The following UGGT2 variants were observed in gnomAD, a reference collection of about 807,000 sequenced individuals.
UGGT2 encodes the protein UDP-glucose:glycoprotein glucosyltransferase 2.
Under a neutral mutation model 192.1 loss-of-function variants are expected in UGGT2, and 180 were observed. The observed-to-expected ratio is 0.94, with a 90% CI of 0.83 to 1.06. UGGT2 has a LOEUF of 1.06. Ranked by LOEUF, UGGT2 falls within the 50% of genes least tolerant of loss-of-function variation. UGGT2 has a pLI of 0.00. For synonymous variants in UGGT2, 580 were observed against 591.0 expected, an observed-to-expected ratio of 0.98 and a Z score of 0.27; for missense variants, 1,849 against 1,795.7, an observed-to-expected ratio of 1.03 and a Z score of -0.54.
chr13:95,853,618 A>G lies in UGGT2; in HGVS notation c.4209T>C (p.Ile1403=). The G allele has an allele frequency of 6.3e-7, 1 of 1,592,586 alleles. No homozygotes were observed. Among genetic ancestry groups the G allele is most frequent in the South Asian group, 1.2e-5 (1 of 86,576 alleles). ...YVVDLKKFRR[I]GAGDRLRSQY... is the part of the protein sequence containing the mutation. ...GGCTCCTGAGCCTGTCACCTGCTCCAATTCTCCTGAACTTCTTGAGATCCA... is the reference window on the plus strand; with the variant it reads ...GGCTCCTGAGCCTGTCACCTGCTCCGATTCTCCTGAACTTCTTGAGATCCA... The change falls in exon 36 of 39, where the codon ATT becomes ATC. Residue 1403 remains isoleucine (I), a synonymous_variant. Coordinates refer to ENST00000376747, the MANE Select transcript of UGGT2 (RefSeq NM_020121.4).
intron 2 of UGGT2, among the ~76,000 whole-genome samples, chr13:96,029,012 G>A (rs983366103): frequency 9.2e-5 from 14 of 151,884 alleles, no homozygotes; most frequent in South Asian, 2.1e-4. Context: ...TTAGCCGGGC[G>A]TGGTGGTGGG....
In UGGT2 at chr13:95,836,055, G is replaced by T. The variant is rs965945313; in HGVS notation, c.4401+1031C>A. ...AGCTCTCAGCCCTTTTTTTTTGTTT[G>T]TTTGTTTTTTTGAAATGGAGTTTTG... On this transcript the variant is annotated intron_variant, in intron 37 of 38. Coordinates refer to ENST00000376747, the MANE Select transcript of UGGT2 (RefSeq NM_020121.4). 3.2e-3 allele frequency among the ~76,000 whole-genome samples: 474 copies of T among 146,922 alleles called. 3 individuals carry two copies. The highest frequency in any genetic ancestry group is 0.012 in the African/African-American group (451 of 36,800).
intron 7 of UGGT2, among the ~76,000 whole-genome samples, chr13:95,991,883 T>G (rs1004646564): frequency 6.6e-6 from 1 of 152,138 alleles, no homozygotes; most frequent in Non-Finnish European, 1.5e-5. Flanking sequence ...AAGACTAATT[T>G]TGAGTATTCC....
chr13:96,045,455 T>C (rs571509703), intron 1 of UGGT2, among the ~76,000 whole-genome samples: 59 of 152,298 alleles, frequency 3.9e-4, no homozygotes, highest in Admixed American at 1.4e-3. Context: ...TCACCACTTC[T>C]ATTCAACATA....
intron 12 of UGGT2, among the ~76,000 whole-genome samples, chr13:95,962,566 CAAAGA>C (rs1008846485): frequency 5.3e-5 from 8 of 152,066 alleles, no homozygotes; most frequent in African/African-American, 1.7e-4. Context: ...AGTCTCCCAA[CAAAGA>C]AGAGTCCAGG....
At chr13:95,947,348 C>A (rs116631171) in intron 14 of UGGT2, among the ~76,000 whole-genome samples, 176 bp from the exon 15 acceptor site, 2 of 152,140 alleles carry the variant, frequency 1.3e-5, no homozygotes, top group Non-Finnish European at 2.9e-5. Flanking sequence ...CACCAAAATC[C>A]ACATAGCTAC....
At chr13:95,963,911 T>C (rs866784282) in intron 12 of UGGT2, among the ~76,000 whole-genome samples, 41 of 152,128 alleles carry the variant, frequency 2.7e-4, no homozygotes, top group African/African-American at 9.9e-4. Context: ...AATATTAAAA[T>C]GATGATACTG....
intron 17 of UGGT2, among the ~76,000 whole-genome samples, chr13:95,928,321 C>T (rs550994587): frequency 2.3e-4 from 35 of 151,408 alleles, no homozygotes; most frequent in African/African-American, 7.5e-4. Flanking sequence ...CCCGACGGGA[C>T]GGCTGGCCTG....
At chr13:95,833,168 G>T in intron 37 of UGGT2, 115 bp from the exon 38 acceptor site, 1 of 1,150,770 alleles carries the variant, frequency 8.7e-7, no homozygotes, top group Non-Finnish European at 1.2e-6. Flanking sequence ...GTCCTACTAA[G>T]TACTGGAAGT....
chr13:95,954,391 C>T (rs897260045), intron 12 of UGGT2, among the ~76,000 whole-genome samples: 2 of 152,144 alleles, frequency 1.3e-5, no homozygotes, highest in Non-Finnish European at 2.9e-5. Flanking sequence ...CCTCATTATT[C>T]CCTCCTTCCT....
intron 22 of UGGT2, 25 bp from the exon 23 acceptor site, chr13:95,895,329 T>A: frequency 7.7e-7 from 1 of 1,294,880 alleles, no homozygotes; most frequent in Non-Finnish European, 1.1e-6. Flanking sequence ...AGTTATATTA[T>A]CATATATCTT....
At chr13:95,858,539 T>G (rs1242562240) in intron 33 of UGGT2, among the ~76,000 whole-genome samples, 2 of 152,220 alleles carry the variant, frequency 1.3e-5, no homozygotes, top group East Asian at 3.9e-4. Context: ...ACACTGTTGC[T>G]GGAAGAAATA....
intron 13 of UGGT2, among the ~76,000 whole-genome samples, chr13:95,948,379 A>G (rs1370367781): frequency 6.6e-6 from 1 of 152,154 alleles, no homozygotes; most frequent in Non-Finnish European, 1.5e-5. Context: ...ATTTTGCCTG[A>G]ATTGAAATAC....
intron 12 of UGGT2, among the ~76,000 whole-genome samples, chr13:95,968,774 G>A (rs1319732441): frequency 3.3e-5 from 5 of 152,084 alleles, no homozygotes; most frequent in Non-Finnish European, 7.4e-5. Flanking sequence ...TTATAGCAAG[G>A]TAAGCATGGC....
At chr13:95,873,085 G>A (rs1390373737) in intron 29 of UGGT2, among the ~76,000 whole-genome samples, 1 of 152,154 alleles carries the variant, frequency 6.6e-6, no homozygotes, top group Non-Finnish European at 1.5e-5. Flanking sequence ...TCATATACAG[G>A]GCTTTCCCTT....
chr13:95,897,781 T>C (rs2047988722), intron 22 of UGGT2, among the ~76,000 whole-genome samples: 1 of 152,214 alleles, frequency 6.6e-6, no homozygotes, highest in South Asian at 2.1e-4. Flanking sequence ...AAAAGGATAA[T>C]TGAAATTACA....
chr13:95,973,848 C>A (rs550365948), intron 10 of UGGT2, among the ~76,000 whole-genome samples: 4 of 152,206 alleles, frequency 2.6e-5, no homozygotes, highest in Non-Finnish European at 5.9e-5. Context: ...ATAATTATAT[C>A]TATCTCACAT....
chr13:95,938,260 C>T (rs2049533963), intron 16 of UGGT2, among the ~76,000 whole-genome samples: 1 of 152,138 alleles, frequency 6.6e-6, no homozygotes, highest in African/African-American at 2.4e-5. Context: ...GGACAGCTGT[C>T]AGATACGGAG....
intron 15 of UGGT2, among the ~76,000 whole-genome samples, chr13:95,946,046 A>T (rs1048897288): frequency 1.5e-5 from 2 of 137,004 alleles, no homozygotes; most frequent in African/African-American, 5.0e-5. Flanking sequence ...TTTATAAGCT[A>T]TGACTTATTT....
Sources: gnomAD v4.1 joint callset for allele counts (sites outside exome capture counted in the v4.1 genomes callset) on GRCh38, gnomAD v4.1.1 for gene constraint, MANE v1.5 for transcripts, NCBI Gene and HGNC (gene_info 2026-07-23, HGNC 2026-07-21) for gene names.